Variants in HACD2 observed in about 807,000 individuals in gnomAD.
The protein encoded by HACD2 is 3-hydroxyacyl-CoA dehydratase 2.
HACD2 carries 15 observed loss-of-function variants against 31.0 expected under a neutral mutation model. The ratio of observed to expected loss-of-function variants is 0.48; its 90% CI spans 0.32 to 0.75. The LOEUF is 0.75. Among genes scored for constraint, HACD2 ranks in the 30% least tolerant of loss-of-function variants. The pLI is 0.03. For missense variants in HACD2, 283 were observed against 313.0 expected (o/e 0.90, Z 0.72); for synonymous variants, 115 against 122.2 (o/e 0.94, Z 0.39).
chr3:123,532,833 CAAAAAAA>C (rs35001570), intron 3 of HACD2, among the ~76,000 whole-genome samples: 3 of 71,360 alleles, frequency 4.2e-5, no homozygotes, highest in African/African-American at 6.4e-5. Context: ...GACTCCGTCT[CAAAAAAA>C]AAAAAAAAAA....
chr3:123,577,518 A>G (rs1015611174), intron 2 of HACD2, among the ~76,000 whole-genome samples: 1 of 151,698 alleles, frequency 6.6e-6, no homozygotes, highest in Non-Finnish European at 1.5e-5. Context: ...CTACTCGGGA[A>G]GCTGAGGCAG....
chr3:123,534,399 A>C (rs2056401017), intron 3 of HACD2, among the ~76,000 whole-genome samples: 1 of 152,026 alleles, frequency 6.6e-6, no homozygotes, highest in Non-Finnish European at 1.5e-5. Flanking sequence ...CTCATTACTC[A>C]TATGTTTCTG....
chr3:123,565,170 G>T (rs1274989385), intron 3 of HACD2, among the ~76,000 whole-genome samples: 1 of 152,138 alleles, frequency 6.6e-6, no homozygotes, highest in Non-Finnish European at 1.5e-5. Flanking sequence ...ATACTTGTCA[G>T]AAACTTTATT....
rs1000123643 is a variant in HACD2, at chr3:123,493,969, T to C, written c.*919A>G. 2.6e-5 allele frequency: 4 copies of C among 152,260 alleles called. No individual in the cohort carries two copies. The highest frequency in any genetic ancestry group is 5.9e-5 in the Non-Finnish European group (4 of 68,054). The allele number at this position is 152,260 out of a possible 1,614,324, so 9.4% of individuals were successfully genotyped here. On this transcript the variant is annotated 3_prime_UTR_variant, in exon 7 of 7. Transcript: ENST00000383657. ...TACCTTTCTAAAGCAACACCTTCCATGTGCTTTCACTAACACAGCCTCCTT... is the reference window on the plus strand; with the variant it reads ...TACCTTTCTAAAGCAACACCTTCCACGTGCTTTCACTAACACAGCCTCCTT...
At chr3:123,568,947 T>C (rs1382654088) in intron 2 of HACD2, among the ~76,000 whole-genome samples, 2 of 152,190 alleles carry the variant, frequency 1.3e-5, no homozygotes, top group African/African-American at 4.8e-5. Flanking sequence ...AGGTTTTATT[T>C]CTATTCTATC....
chr3:123,565,223 T>A (rs2056777898), intron 3 of HACD2, among the ~76,000 whole-genome samples: 1 of 152,196 alleles, frequency 6.6e-6, no homozygotes, highest in Non-Finnish European at 1.5e-5. Context: ...AAGGGTATAT[T>A]TTAAGACAGA....
chr3:123,551,784 A>G (rs571591797), intron 3 of HACD2, among the ~76,000 whole-genome samples: 1 of 152,350 alleles, frequency 6.6e-6, no homozygotes, highest in Middle Eastern at 3.4e-3. Flanking sequence ...ACATTAAGCT[A>G]CAAGTAGTTA....
At chr3:123,510,438 G>C (rs565299238) in intron 4 of HACD2, among the ~76,000 whole-genome samples, 1 of 152,288 alleles carries the variant, frequency 6.6e-6, no homozygotes, top group East Asian at 1.9e-4. Context: ...AGTGGAGACA[G>C]GGTTTTGTCA....
At chr3:123,583,811 G>A (rs961617722) in intron 1 of HACD2, among the ~76,000 whole-genome samples, 3 of 152,136 alleles carry the variant, frequency 2.0e-5, no homozygotes, top group Admixed American at 2.0e-4. Context: ...GAGGGGAGCT[G>A]GGTAGAAGGG....
At chr3:123,497,803 A>G (rs1218189861) in intron 6 of HACD2, among the ~76,000 whole-genome samples, 1 of 152,206 alleles carries the variant, frequency 6.6e-6, no homozygotes, top group Non-Finnish European at 1.5e-5. Context: ...ATGAGCCACA[A>G]TTTAGGCTAT....
intron 4 of HACD2, among the ~76,000 whole-genome samples, chr3:123,504,132 G>T (rs983481971): frequency 1.3e-5 from 2 of 152,092 alleles, no homozygotes; most frequent in Non-Finnish European, 2.9e-5. Flanking sequence ...AGCTTTCATG[G>T]TAAGATTTTT....
At chr3:123,539,652 A>G (rs1280825892) in intron 3 of HACD2, among the ~76,000 whole-genome samples, 2 of 152,224 alleles carry the variant, frequency 1.3e-5, no homozygotes, top group East Asian at 3.9e-4. Context: ...TAAAATCATG[A>G]GAGAAATTAA....
chr3:123,508,856 C>A (rs764198711), intron 4 of HACD2, among the ~76,000 whole-genome samples: 10 of 152,172 alleles, frequency 6.6e-5, no homozygotes, highest in Admixed American at 2.0e-4. Context: ...ATCAGGATGG[C>A]AGCATGATTG....
At chr3:123,547,667 C>T (rs751738397) in intron 3 of HACD2, among the ~76,000 whole-genome samples, 7 of 152,146 alleles carry the variant, frequency 4.6e-5, no homozygotes, top group Admixed American at 6.5e-5. Context: ...TATGACCTAC[C>T]AGGATGACCA....
At chr3:123,577,768 C>T (rs896731656) in intron 2 of HACD2, among the ~76,000 whole-genome samples, 1 of 152,096 alleles carries the variant, frequency 6.6e-6, no homozygotes, top group Non-Finnish European at 1.5e-5. Context: ...CTATACTTGA[C>T]AAATATGCAA....
At position 123,532,729 on chromosome 3, in the gene HACD2, G is replaced by T. The variant is rs558346606; in HGVS notation, c.293-4255C>A. 2.6e-5 allele frequency among the ~76,000 whole-genome samples: 4 copies of T among 151,494 alleles called. No homozygotes were observed. In the East Asian group the frequency reaches 5.9e-4, roughly 22 times the overall value. Reference sequence around the variant, plus strand: ...CAGTCGCCTGTAATCCCAGCTACTCGGGAGGCTGAGGCAGGAGATCTCTTG... The same window carrying T: ...CAGTCGCCTGTAATCCCAGCTACTCTGGAGGCTGAGGCAGGAGATCTCTTG... On this transcript the variant is annotated intron_variant, in intron 3 of 6. Coordinates refer to ENST00000383657, the MANE Select transcript of HACD2 (RefSeq NM_198402.5).
intron 1 of HACD2, chr3:123,584,636 C>T: frequency 2.9e-6 from 1 of 342,946 alleles, no homozygotes; most frequent in Non-Finnish European, 5.2e-6. Context: ...GCCGTCCCCG[C>T]GCCCCAGTGC....
At chr3:123,497,936 C>A (rs2055854704) in intron 6 of HACD2, among the ~76,000 whole-genome samples, 1 of 152,184 alleles carries the variant, frequency 6.6e-6, no homozygotes, top group African/African-American at 2.4e-5. Context: ...GAAAGAAAAC[C>A]AAATTTGGTA....
intron 4 of HACD2, among the ~76,000 whole-genome samples, chr3:123,523,247 G>T (rs559520339): frequency 6.6e-6 from 1 of 152,344 alleles, no homozygotes; most frequent in African/African-American, 2.4e-5. Flanking sequence ...TTCTACAAGA[G>T]TTGAACGGAA....
Sources: gnomAD v4.1 joint callset for allele counts (sites outside exome capture counted in the v4.1 genomes callset) on GRCh38, gnomAD v4.1.1 for gene constraint, MANE v1.5 for transcripts, NCBI Gene and HGNC (gene_info 2026-07-23, HGNC 2026-07-21) for gene names.